ABCA8: variants seen among roughly 807,000 people sequenced by gnomAD.
ABCA8 encodes ABC-type organic anion transporter ABCA8.
Under a neutral mutation model 192.3 loss-of-function variants are expected in ABCA8, and 177 were observed. That is an observed-to-expected ratio of 0.92 (90% CI 0.81 to 1.04). ABCA8 has a LOEUF of 1.04. Among genes scored for constraint, ABCA8 ranks in the 50% least tolerant of loss-of-function variants. ABCA8 has a pLI of 0.00. For synonymous variants in ABCA8, 642 were observed against 690.2 expected (o/e 0.93, Z 1.09); for missense variants, 1,915 against 1,904.8 (o/e 1.01, Z -0.10).
rs1468927404 is a variant in ABCA8 at position 68,876,447 on chromosome 17, T to A, written c.4370+13A>T. 3.7e-6 allele frequency: 6 copies of A among 1,613,860 alleles called. No individual in the cohort carries two copies. In the East Asian group the frequency reaches 1.3e-4, roughly 36 times the overall value. On this transcript the variant is annotated intron_variant, in intron 35 of 39. Transcript: ENST00000586539. Reference sequence around the variant, plus strand: ...TCATCCGTGCTGTCCCTGACCGTGGTAATGTTCCTCACCACATTTGCTGCT... The same window carrying A: ...TCATCCGTGCTGTCCCTGACCGTGGAAATGTTCCTCACCACATTTGCTGCT...
intron 21 of ABCA8, among the ~76,000 whole-genome samples, chr17:68,895,936 G>A (rs535318888): frequency 3.9e-5 from 6 of 152,056 alleles, no homozygotes; most frequent in South Asian, 4.2e-4. Context: ...GAGTTTCCAC[G>A]ACAGGAGAGG....
chr17:68,932,464 T>A lies in ABCA8; in HGVS notation c.621A>T (p.Lys207Asn), dbSNP rs181557442. 129 of 1,614,034 alleles carry A rather than the reference T, an allele frequency of 8.0e-5. No individual in the cohort carries two copies. Among genetic ancestry groups the A allele is most frequent in the Non-Finnish European group, 5.9e-6 (7 of 1,179,866 alleles). Residue 207 changes from lysine to asparagine, a missense_variant, in exon 7 of 40, where the codon AAA becomes AAT. By Grantham distance (94) the Lys-to-Asn change is moderately conservative. Coordinates refer to ENST00000586539, the MANE Select transcript of ABCA8 (RefSeq NM_001288985.2). ...CAATGAAGGAATGCATCTTCATATT[T>A]TTTCCAGTAACTGACATCAGCTCCT... ...VMEELMSVTG[K>N]NMKMHSFIGQ...
At chr17:68,931,093 G>T (rs139484076) in intron 7 of ABCA8, among the ~76,000 whole-genome samples, 172 of 152,244 alleles carry the variant, frequency 1.1e-3, no homozygotes, top group African/African-American at 3.9e-3. Flanking sequence ...AGGAGTTCCT[G>T]GTCCTCGGCT....
At chr17:68,934,138 A>G (rs968343955) in intron 5 of ABCA8, among the ~76,000 whole-genome samples, 12 of 152,146 alleles carry the variant, frequency 7.9e-5, no homozygotes, top group Non-Finnish European at 1.6e-4. Flanking sequence ...AACTATGTTC[A>G]TTTGTTCCAT....
In ABCA8 at chr17:68,876,502, T is replaced by C; in HGVS notation, c.4328A>G (p.Glu1443Gly). 6.2e-7 allele frequency: 1 copy of C among 1,614,024 alleles called. No individual in the cohort carries two copies. The highest frequency in any genetic ancestry group is 8.5e-7 in the Non-Finnish European group (1 of 1,179,950). Residue 1443 changes from glutamate to glycine, a missense_variant, in exon 35 of 40, where the codon GAG becomes GGG. Coordinates refer to ENST00000586539, the MANE Select transcript of ABCA8 (RefSeq NM_001288985.2). ...CTCGGGGTCCATCCCGGTCGACGGC[T>C]CATCCAGAAGCACCACTGACGGGTT... ...LGNPSVVLLD[E>G]PSTGMDPEGQ...
intron 37 of ABCA8, among the ~76,000 whole-genome samples, chr17:68,872,908 G>A (rs185929463): frequency 9.9e-5 from 15 of 152,208 alleles, no homozygotes; most frequent in Non-Finnish European, 1.6e-4. Flanking sequence ...TTTAAGTTAC[G>A]TGTTACTACA....
In ABCA8 at chr17:68,906,140, A is replaced by C; in HGVS notation, c.2302T>G (p.Tyr768Asp). 6.3e-7 allele frequency: 1 copy of C among 1,592,202 alleles called. No homozygotes were observed. Among genetic ancestry groups the C allele is most frequent in the Non-Finnish European group, 8.5e-7 (1 of 1,170,500 alleles). Residue 768 changes from tyrosine (Y) to aspartate (D), a missense_variant, in exon 19 of 40, where the codon TAT (tyrosine) becomes GAT (aspartate). Coordinates refer to ENST00000586539, the MANE Select transcript of ABCA8 (RefSeq NM_001288985.2). ...TAATTCTCAATTCCTAGGTCAGGAT[A>C]GCTATCAAGATCCTTGTAAAGTTCT... ...FPELYKDLDSYPDLGIENYGV... is the reference protein window; with the variant it reads ...FPELYKDLDSDPDLGIENYGV...
intron 10 of ABCA8, 108 bp downstream of exon 10, chr17:68,927,808 G>A: frequency 1.1e-6 from 1 of 875,524 alleles, no homozygotes; most frequent in Non-Finnish European, 1.7e-6. Flanking sequence ...CTTTGCTGTT[G>A]ATACACAAAA....
intron 7 of ABCA8, among the ~76,000 whole-genome samples, chr17:68,931,484 T>C (rs1387509555): frequency 3.9e-5 from 6 of 152,226 alleles, no homozygotes; most frequent in Non-Finnish European, 7.3e-5. Context: ...TGGCTCCTTA[T>C]TTGTTTTCTC....
At chr17:68,921,597 C>A in intron 12 of ABCA8, 105 bp from the exon 13 acceptor site, 1 of 586,320 alleles carries the variant, frequency 1.7e-6, no homozygotes, top group Admixed American at 3.0e-5. Flanking sequence ...GTTATTAATT[C>A]TCTTGAATGG....
chr17:68,916,845 C>A (rs1274483040), intron 17 of ABCA8, among the ~76,000 whole-genome samples: 5 of 152,110 alleles, frequency 3.3e-5, no homozygotes, highest in Non-Finnish European at 7.4e-5. Flanking sequence ...ATTTTTTAGT[C>A]ATATTTATCT....
At position 68,946,050 on chromosome 17, in the gene ABCA8, AAATTAATT is replaced by A. The variant is rs34544091; in HGVS notation, c.-6+3254_-6+3261del. On this transcript the variant is annotated intron_variant, in intron 2 of 39. Transcript: ENST00000586539. The stretch of plus-strand genomic sequence containing the variant: ...GACAGAAACTGCTAGCTTTTTACCA[AAATTAATT>A]AATTAATTAATTAATTAATTAATTT... 8.1e-5 allele frequency among the ~76,000 whole-genome samples: 12 copies of A among 148,898 alleles called. No homozygotes were observed. In the East Asian group the frequency reaches 1.6e-3, roughly 20 times the overall value.
In ABCA8 at chr17:68,940,890, A is replaced by G. The variant is rs2068208373; in HGVS notation, c.169T>C (p.Ser57Pro). Residue 57 changes from serine to proline, a missense_variant, in exon 4 of 40, where the codon TCT becomes CCT. Transcript: ENST00000586539. ...YPHSHQVNDF[S>P]SLLTMDLGRV... ...CCCAGGTCCATGGTAAGCAGTGAAG[A>G]AAAATCATTTACTTGATGACTATGA... 4.3e-6 allele frequency: 7 copies of G among 1,612,980 alleles called. No individual in the cohort carries two copies. In the South Asian group the frequency reaches 7.7e-5, roughly 18 times the overall value.
At chr17:68,932,648 G>A in intron 6 of ABCA8, 134 bp from the exon 7 acceptor site, 1 of 663,082 alleles carries the variant, frequency 1.5e-6, no homozygotes, top group Non-Finnish European at 2.6e-6. Context: ...CCACTTCTAT[G>A]TCCTGTCATT....
In ABCA8 at chr17:68,894,884, T is replaced by C. The variant is rs2066705943; in HGVS notation, c.2894A>G (p.Glu965Gly). Residue 965 changes from glutamate (E) to glycine (G), a missense_variant, in exon 22 of 40, where the codon GAA becomes GGA. Coordinates refer to ENST00000586539, the MANE Select transcript of ABCA8 (RefSeq NM_001288985.2). ...YNGAITVCCNEKNYSFSLACN... is the reference protein window; with the variant it reads ...YNGAITVCCNGKNYSFSLACN... ...GATTATTAGAGACCTGCATACCTTT[T>C]CATTACAACACACTGTGATGGCTCC... 1 of 1,611,848 alleles carries C rather than the reference T, an allele frequency of 6.2e-7. No homozygotes were observed. Among genetic ancestry groups the C allele is most frequent in the Non-Finnish European group, 8.5e-7 (1 of 1,179,198 alleles).
rs528953464 is a variant in ABCA8 at position 68,891,734 on chromosome 17, T to G, written c.3037-138A>C. 193 of 589,076 alleles carry G rather than the reference T, an allele frequency of 3.3e-4. 1 individual carries two copies. The highest frequency in any genetic ancestry group is 5.1e-4 in the Non-Finnish European group (180 of 349,866). 36.5% of individuals were successfully genotyped at this position (589,076 alleles called of 1,614,324 possible). ...TTGAGATTCCCAGATTCCTTCATTATCCTTCCAGTTTTCACACTTAACTTT... is the reference window on the plus strand; with the variant it reads ...TTGAGATTCCCAGATTCCTTCATTAGCCTTCCAGTTTTCACACTTAACTTT... On this transcript the variant is annotated intron_variant, in intron 23 of 39. Coordinates refer to ENST00000586539, the MANE Select transcript of ABCA8 (RefSeq NM_001288985.2).
intron 10 of ABCA8, among the ~76,000 whole-genome samples, chr17:68,925,557 C>T (rs909046711): frequency 2.9e-4 from 44 of 152,194 alleles, no homozygotes; most frequent in African/African-American, 9.9e-4. Flanking sequence ...CATTATGAAA[C>T]GGAAGAATCG....
At position 68,937,001 on chromosome 17, in the gene ABCA8, A is replaced by G; in HGVS notation, c.416T>C (p.Phe139Ser). The G allele has an allele frequency of 1.2e-6, 2 of 1,608,562 alleles. No homozygotes were observed. Among genetic ancestry groups the G allele is most frequent in the Non-Finnish European group, 1.7e-6 (2 of 1,177,970 alleles). The change falls in exon 5 of 40, where the codon TTC becomes TCC. Residue 139 changes from phenylalanine (F) to serine (S), a missense_variant. By Grantham distance (155) the Phe-to-Ser change is radical. Transcript: ENST00000586539. ...FTNTYSYHLK[F>S]LLGHGMPAKK... is the part of the protein sequence containing the mutation. ...TGCTGGCATTCCATGTCCTAGCAAG[A>G]ACTTCAAATGATATGAGTATGTATT...
At chr17:68,947,150 GATTC>G (rs1331269141) in intron 2 of ABCA8, among the ~76,000 whole-genome samples, 1 of 152,036 alleles carries the variant, frequency 6.6e-6, no homozygotes, top group African/African-American at 2.4e-5. Context: ...TAAATTTATT[GATTC>G]ATTCAGATAT....
Sources: gnomAD v4.1 joint callset for allele counts (sites outside exome capture counted in the v4.1 genomes callset) on GRCh38, gnomAD v4.1.1 for gene constraint, MANE v1.5 for transcripts, NCBI Gene and HGNC (gene_info 2026-07-23, HGNC 2026-07-21) for gene names.